Variants in STT3B observed in about 807,000 individuals in gnomAD.
STT3B encodes the protein dolichyl-diphosphooligosaccharide--protein glycosyltransferase subunit STT3B.
A neutral mutation model predicts 96.8 loss-of-function variants in STT3B; 29 were observed. That is an observed-to-expected ratio of 0.30 (90% CI 0.22 to 0.41). The LOEUF is 0.41. STT3B is among the 10% of genes least tolerant of loss of function. The pLI is 1.00. For missense variants in STT3B, 640 were observed against 1,022.3 expected (o/e 0.63, Z 5.10); for synonymous variants, 367 against 360.0 (o/e 1.02, Z -0.22).
At chr3:31,632,057 T>C (rs1311596695) in intron 14 of STT3B, among the ~76,000 whole-genome samples, 1 of 151,728 alleles carries the variant, frequency 6.6e-6, no homozygotes, top group Non-Finnish European at 1.5e-5. Context: ...GATCTTGCTA[T>C]GTTGCCCAGG....
intron 1 of STT3B, among the ~76,000 whole-genome samples, chr3:31,541,661 C>A (rs939553584): frequency 2.6e-5 from 4 of 152,008 alleles, no homozygotes; most frequent in Non-Finnish European, 2.9e-5. Context: ...ACTGCAAGCT[C>A]CACCTCTTGG....
chr3:31,569,936 A>G (rs962229241), intron 1 of STT3B, among the ~76,000 whole-genome samples: 1 of 152,072 alleles, frequency 6.6e-6, no homozygotes, highest in African/African-American at 2.4e-5. Flanking sequence ...AAATATATGT[A>G]TAGATAATAA....
intron 8 of STT3B, among the ~76,000 whole-genome samples, chr3:31,618,339 G>C (rs886191821): frequency 6.6e-6 from 1 of 151,644 alleles, no homozygotes; most frequent in Admixed American, 6.6e-5. Context: ...AATTCTTAAG[G>C]ATACTGTTTA....
intron 3 of STT3B, among the ~76,000 whole-genome samples, chr3:31,588,205 T>C (rs564903589): frequency 7.2e-5 from 11 of 152,226 alleles, no homozygotes; most frequent in Admixed American, 3.9e-4. Flanking sequence ...TACTTTCCAA[T>C]AGAACTTTCG....
At chr3:31,588,294 T>C (rs1698591455) in intron 3 of STT3B, among the ~76,000 whole-genome samples, 1 of 152,068 alleles carries the variant, frequency 6.6e-6, no homozygotes, top group African/African-American at 2.4e-5. Flanking sequence ...TTCACTATAA[T>C]ATAGGTAATA....
intron 5 of STT3B, among the ~76,000 whole-genome samples, chr3:31,603,773 G>A (rs1698986670): frequency 1.3e-5 from 2 of 152,168 alleles, no homozygotes; most frequent in South Asian, 4.1e-4. Flanking sequence ...GACCAATAGG[G>A]GAATGATTTT....
At chr3:31,537,221 C>T (rs759457433) in intron 1 of STT3B, among the ~76,000 whole-genome samples, 15 of 152,150 alleles carry the variant, frequency 9.9e-5, no homozygotes, top group Non-Finnish European at 1.9e-4. Flanking sequence ...AATGATAAAC[C>T]TTTGGAACAT....
At chr3:31,618,794 T>G (rs1290804598) in intron 8 of STT3B, among the ~76,000 whole-genome samples, 2 of 152,016 alleles carry the variant, frequency 1.3e-5, no homozygotes, top group African/African-American at 4.8e-5. Flanking sequence ...CACTAACGAA[T>G]TTGAAGGATA....
At chr3:31,542,067 GTTTTAAGGTACTAA>G (rs773406123) in intron 1 of STT3B, among the ~76,000 whole-genome samples, 65 of 152,282 alleles carry the variant, frequency 4.3e-4, no homozygotes, top group Non-Finnish European at 7.4e-4. Flanking sequence ...TGACAACTTT[GTTTTAAGGTACTAA>G]TTGTCCAGAG....
In STT3B at chr3:31,629,327, A is replaced by G; in HGVS notation, c.2103A>G (p.Glu701=). 1 of 1,608,586 alleles carries G rather than the reference A, an allele frequency of 6.2e-7. No homozygotes were observed. The highest frequency in any genetic ancestry group is 8.5e-7 in the Non-Finnish European group (1 of 1,176,188). ...RESDYFTPQG[E]FRVDKAGSPT... is the part of the protein sequence containing the mutation. ...GTGACTATTTTACCCCACAGGGAGA[A>G]TTCCGTGTAGACAAAGCAGGATCCC... Residue 701 remains glutamate, a synonymous_variant, in exon 14 of 16, where the codon GAA becomes GAG. Transcript: ENST00000295770.
chr3:31,535,381 C>G (rs1230766402), intron 1 of STT3B, among the ~76,000 whole-genome samples: 1 of 147,510 alleles, frequency 6.8e-6, no homozygotes. Context: ...TTTTCTTTTT[C>G]CAGCTTCAGT....
chr3:31,609,737 G>C (rs1699140400), intron 5 of STT3B, among the ~76,000 whole-genome samples: 1 of 152,090 alleles, frequency 6.6e-6, no homozygotes, highest in Non-Finnish European at 1.5e-5. Flanking sequence ...TGGGACTACA[G>C]GCATGTGCCA....
chr3:31,533,014 G>A lies in STT3B; in HGVS notation c.16G>A (p.Ala6Thr), dbSNP rs765561784. ...GGGGCACAACATGGCGGAGCCCTCG[G>A]CCCCGGAGAGCAAGCACAAGTCGTC... MAEPS[A>T]PESKHKSSLN... Residue 6 changes from alanine to threonine, a missense_variant, in exon 1 of 16, where the codon GCC (alanine) becomes ACC (threonine). Transcript: ENST00000295770. 6.3e-7 allele frequency: 1 copy of A among 1,589,300 alleles called. No individual in the cohort carries two copies. The highest frequency in any genetic ancestry group is 8.6e-7 in the Non-Finnish European group (1 of 1,169,310).
intron 3 of STT3B, among the ~76,000 whole-genome samples, chr3:31,591,417 T>C (rs1698660274): frequency 6.6e-6 from 1 of 152,154 alleles, no homozygotes; most frequent in Non-Finnish European, 1.5e-5. Flanking sequence ...TGCCTTTTTA[T>C]TGGAGTTTTA....
intron 1 of STT3B, among the ~76,000 whole-genome samples, chr3:31,560,909 TTG>T: frequency 6.6e-6 from 1 of 152,138 alleles, no homozygotes; most frequent in Non-Finnish European, 1.5e-5. Context: ...TCACTTTCTG[TTG>T]TCTTTTATGA....
chr3:31,559,580 C>G (rs1392592349), intron 1 of STT3B, among the ~76,000 whole-genome samples: 1 of 151,804 alleles, frequency 6.6e-6, no homozygotes, highest in Non-Finnish European at 1.5e-5. Context: ...GATATTGTTT[C>G]TTTTTTAATT....
At chr3:31,607,657 T>C (rs1028277245) in intron 5 of STT3B, among the ~76,000 whole-genome samples, 11 of 152,204 alleles carry the variant, frequency 7.2e-5, no homozygotes, top group African/African-American at 1.4e-4. Context: ...CCAAGTGTTA[T>C]ATAATTGAAT....
In STT3B at chr3:31,637,610, A is replaced by G. The variant is rs773225881; in HGVS notation, c.*1546A>G. The G allele has an allele frequency of 6.6e-6, 1 of 152,200 alleles. No individual in the cohort carries two copies. Among genetic ancestry groups the G allele is most frequent in the African/African-American group, 2.4e-5 (1 of 41,452 alleles). 9.4% of individuals were successfully genotyped at this position (152,200 alleles called of 1,614,324 possible). On this transcript the variant is annotated 3_prime_UTR_variant, in exon 16 of 16. Coordinates refer to ENST00000295770, the MANE Select transcript of STT3B (RefSeq NM_178862.3). ...CTGTAGGGGAAATAAAGTTAATTCA[A>G]ATTTTGTGTTAAGTGTTGTTTTTTA...
chr3:31,533,491 T>C, intron 1 of STT3B, 179 bp downstream of exon 1: 1 of 753,190 alleles, frequency 1.3e-6, no homozygotes, highest in Non-Finnish European at 1.8e-6. Context: ...TGGGCGAAGT[T>C]TGCCCCGTGC....
Sources: allele counts gnomAD v4.1 joint callset (sites outside exome capture counted in the v4.1 genomes callset), GRCh38; gene constraint gnomAD v4.1.1; transcripts MANE v1.5; gene names NCBI Gene and HGNC (gene_info 2026-07-23, HGNC 2026-07-21).